The following RCAN2 variants were observed in gnomAD, a reference collection of about 807,000 sequenced individuals.
RCAN2 encodes the protein regulator of calcineurin 2.
Under a neutral mutation model 23.6 loss-of-function variants are expected in RCAN2, and 9 were observed. The observed-to-expected ratio is 0.38, with a 90% CI of 0.23 to 0.67. The LOEUF (loss-of-function observed/expected upper bound fraction) is 0.67. Among genes scored for constraint, RCAN2 ranks in the 30% least tolerant of loss-of-function variants. The pLI is 0.51. For synonymous variants in RCAN2, 109 were observed against 115.7 expected (o/e 0.94, Z 0.37); for missense variants, 273 against 302.3 (o/e 0.90, Z 0.72).
intron 1 of RCAN2, among the ~76,000 whole-genome samples, chr6:46,489,181 A>G (rs1290836506): frequency 1.3e-5 from 2 of 152,110 alleles, no homozygotes; most frequent in African/African-American, 4.8e-5. Flanking sequence ...TTCTCTAGAC[A>G]ACTCCTACCA....
At chr6:46,240,753 T>G (rs1313897618) in intron 4 of RCAN2, among the ~76,000 whole-genome samples, 1 of 152,188 alleles carries the variant, frequency 6.6e-6, no homozygotes, top group Non-Finnish European at 1.5e-5. Context: ...GAATAGAAAA[T>G]GTTTCTTTAG....
At chr6:46,469,448 A>G (rs188050563) in intron 1 of RCAN2, among the ~76,000 whole-genome samples, 2 of 152,310 alleles carry the variant, frequency 1.3e-5, no homozygotes, top group Non-Finnish European at 2.9e-5. Context: ...TGGAGGATGG[A>G]ACCAGTCTTG....
At chr6:46,449,404 T>C (rs1767810152) in intron 2 of RCAN2, among the ~76,000 whole-genome samples, 3 of 151,420 alleles carry the variant, frequency 2.0e-5, no homozygotes, top group Admixed American at 2.0e-4. Flanking sequence ...ACATTTAATA[T>C]TATTAAAATG....
At chr6:46,237,543 G>C (rs1355221807) in intron 4 of RCAN2, among the ~76,000 whole-genome samples, 1 of 152,140 alleles carries the variant, frequency 6.6e-6, no homozygotes, top group African/African-American at 2.4e-5. Flanking sequence ...CCTTGACAAT[G>C]TTCCATTAAG....
rs112155713 is a variant in RCAN2, at chr6:46,470,942, C to T, written c.-2-13964G>A. 4.1e-3 allele frequency among the ~76,000 whole-genome samples: 621 copies of T among 152,328 alleles called. 2 individuals are homozygous for T. Among genetic ancestry groups the T allele is most frequent in the Middle Eastern group, 0.017 (5 of 294 alleles). On this transcript the variant is annotated intron_variant, in intron 1 of 4. Transcript: ENST00000371374. ...TCCTCATTCACCTCATTCACCACTC[C>T]ACCAGAAGGCACAGATACCCTTCAG...
chr6:46,388,382 C>T (rs1318138251), intron 2 of RCAN2, among the ~76,000 whole-genome samples: 1 of 152,058 alleles, frequency 6.6e-6, no homozygotes, highest in African/African-American at 2.4e-5. Context: ...TCGTGGAAGG[C>T]AGTGTGGCAA....
At chr6:46,480,777 C>T (rs1475082107) in intron 1 of RCAN2, among the ~76,000 whole-genome samples, 1 of 152,148 alleles carries the variant, frequency 6.6e-6, no homozygotes. Context: ...AGGCACCCAT[C>T]ACCACACCCG....
intron 2 of RCAN2, among the ~76,000 whole-genome samples, chr6:46,358,157 C>T (rs1764899199): frequency 1.3e-5 from 2 of 152,150 alleles, no homozygotes; most frequent in African/African-American, 4.8e-5. Context: ...TTCTGTGGTC[C>T]TAGGAAAGAT....
intron 2 of RCAN2, among the ~76,000 whole-genome samples, chr6:46,265,359 A>C (rs1273291492): frequency 6.6e-6 from 1 of 152,120 alleles, no homozygotes; most frequent in Non-Finnish European, 1.5e-5. Flanking sequence ...CAGTGCCAAA[A>C]CCATTGTCAG....
intron 2 of RCAN2, among the ~76,000 whole-genome samples, chr6:46,289,664 G>C (rs184834559): frequency 5.1e-4 from 77 of 152,042 alleles, no homozygotes; most frequent in South Asian, 3.1e-3. Flanking sequence ...ATCATTTAAG[G>C]GCAATTTGCA....
At position 46,444,112 on chromosome 6, in the gene RCAN2, G is replaced by A. The variant is rs149082416; in HGVS notation, c.225+12640C>T. 1.1e-3 allele frequency among the ~76,000 whole-genome samples: 169 copies of A among 152,304 alleles called. 1 individual carries two copies. The highest frequency in any genetic ancestry group is 3.9e-3 in the African/African-American group (163 of 41,554). On this transcript the variant is annotated intron_variant, in intron 2 of 4. Transcript: ENST00000371374. ...ACTGTCTGCCTTGAAGGGCTTCAGG[G>A]TCTAGAGAAGAAAATGTAAATGGAG... is the stretch of plus-strand genomic sequence containing the variant.
At chr6:46,304,476 C>G (rs1327026091) in intron 2 of RCAN2, among the ~76,000 whole-genome samples, 1 of 152,038 alleles carries the variant, frequency 6.6e-6, no homozygotes, top group African/African-American at 2.4e-5. Flanking sequence ...ATTTTTGTGT[C>G]TTATTTAAGA....
intron 2 of RCAN2, among the ~76,000 whole-genome samples, chr6:46,380,999 T>C (rs1243445789): frequency 6.6e-6 from 1 of 152,078 alleles, no homozygotes; most frequent in African/African-American, 2.4e-5. Flanking sequence ...AAAAGCAATA[T>C]AAGAAAAATA....
intron 2 of RCAN2, among the ~76,000 whole-genome samples, chr6:46,401,329 T>A (rs1019259413): frequency 1.3e-5 from 2 of 152,222 alleles, no homozygotes; most frequent in African/African-American, 4.8e-5. Flanking sequence ...AGGGACTTTG[T>A]TGCTGATCAC....
At chr6:46,253,487 C>G (rs914211797) in intron 2 of RCAN2, among the ~76,000 whole-genome samples, 1 of 152,154 alleles carries the variant, frequency 6.6e-6, no homozygotes, top group Non-Finnish European at 1.5e-5. Flanking sequence ...TTCCTCCAGT[C>G]AAACATTGTA....
chr6:46,336,697 C>A (rs543329473), intron 2 of RCAN2, among the ~76,000 whole-genome samples: 3 of 152,204 alleles, frequency 2.0e-5, no homozygotes, highest in Non-Finnish European at 4.4e-5. Flanking sequence ...GTATGTGAAT[C>A]TATCAAAAGT....
intron 2 of RCAN2, among the ~76,000 whole-genome samples, chr6:46,452,525 G>A (rs749679631): frequency 5.9e-5 from 9 of 152,124 alleles, no homozygotes; most frequent in Non-Finnish European, 1.2e-4. Context: ...AGAACAAAAG[G>A]AACATTCTTC....
At chr6:46,441,195 A>G (rs1292386549) in intron 2 of RCAN2, among the ~76,000 whole-genome samples, 2 of 152,230 alleles carry the variant, frequency 1.3e-5, no homozygotes, top group Non-Finnish European at 2.9e-5. Context: ...ACTTCATCTC[A>G]TTTAATCACA....
At chr6:46,268,516 T>C (rs1228878286) in intron 2 of RCAN2, among the ~76,000 whole-genome samples, 1 of 152,186 alleles carries the variant, frequency 6.6e-6, no homozygotes, top group East Asian at 1.9e-4. Flanking sequence ...TTCCTCTTTC[T>C]TGGAGTAACA....
Sources: gnomAD v4.1 joint callset for allele counts (sites outside exome capture counted in the v4.1 genomes callset) on GRCh38, gnomAD v4.1.1 for gene constraint, MANE v1.5 for transcripts, NCBI Gene and HGNC (gene_info 2026-07-23, HGNC 2026-07-21) for gene names.